ZNF81: variants seen among roughly 807,000 people sequenced by gnomAD.
ZNF81 encodes zinc finger protein 81.
Under a neutral mutation model 32.3 loss-of-function variants are expected in ZNF81, and 5 were observed. That is an observed-to-expected ratio of 0.15 (90% CI 0.08 to 0.33). The LOEUF is 0.33. ZNF81 is among the 10% of genes least tolerant of loss of function. The probability of loss-of-function intolerance (pLI) is 1.00; values close to 1 mark genes in which losing one functional copy is unlikely to be tolerated. For synonymous variants in ZNF81, 163 were observed against 166.8 expected, an observed-to-expected ratio of 0.98 and a Z score of 0.17; for missense variants, 379 against 479.8, an observed-to-expected ratio of 0.79 and a Z score of 1.96.
At chrX:47,854,891 C>T (rs1299768699) in intron 2 of ZNF81, among the ~76,000 whole-genome samples, 7 of 111,041 alleles carry the variant, frequency 6.3e-5, no homozygotes, top group Non-Finnish European at 1.3e-4. Context: ...GTCAGGAGTT[C>T]GAGACCAGCC....
At position 47,836,923 on chromosome X, in the gene ZNF81, C is replaced by A. The variant is rs1006378433; in HGVS notation, c.-228C>A. The A allele has an allele frequency of 1.0e-4, 24 of 228,976 alleles. No individual in the cohort carries two copies. Among genetic ancestry groups the A allele is most frequent in the Non-Finnish European group, 1.7e-4 (20 of 119,328 alleles). The allele number at this position is 228,976 out of a possible 1,213,427, so 18.9% of individuals were successfully genotyped here. ...GACCGGAAGCGGCTGCGGTTCTCGC[C>A]GGTTCTCAGCCGGGGTTTGATAGTT... is the stretch of plus-strand genomic sequence containing the variant. On this transcript the variant is annotated 5_prime_UTR_variant, in exon 1 of 5. Coordinates refer to ENST00000338637, the MANE Select transcript of ZNF81 (RefSeq NM_007137.5).
intron 1 of ZNF81, among the ~76,000 whole-genome samples, chrX:47,839,576 T>C (rs2058438401): frequency 8.9e-6 from 1 of 112,142 alleles, no homozygotes; most frequent in African/African-American, 3.2e-5. Flanking sequence ...AAATGAATTC[T>C]GTGTGTATAC....
At chrX:47,903,531 C>T (rs1480811527) in intron 4 of ZNF81, among the ~76,000 whole-genome samples, 4 of 69,662 alleles carry the variant, frequency 5.7e-5, no homozygotes, top group Non-Finnish European at 8.5e-5. Context: ...TCAAGGAGAA[C>T]TACAAACCAC....
chrX:47,896,275 A>G (rs782594646), intron 4 of ZNF81, among the ~76,000 whole-genome samples: 3 of 111,337 alleles, frequency 2.7e-5, no homozygotes, highest in Non-Finnish European at 5.7e-5. Flanking sequence ...TCCTTAAACC[A>G]CACCCCAGAG....
At chrX:47,900,249 A>C (rs2148035581) in intron 4 of ZNF81, among the ~76,000 whole-genome samples, 1 of 111,827 alleles carries the variant, frequency 8.9e-6, no homozygotes, top group South Asian at 3.7e-4. Flanking sequence ...TGGTGTAAAG[A>C]CACACTAATA....
At chrX:47,850,891 G>A (rs2473088) in intron 2 of ZNF81, among the ~76,000 whole-genome samples, 5,982 of 53,346 alleles carry the variant, frequency 0.11, 726 homozygotes, top group African/African-American at 0.37. Context: ...AGGCACGCGC[G>A]CACACACACA....
At chrX:47,873,594 T>TACCCTGGCTCCAC (rs1556884160) in intron 2 of ZNF81, among the ~76,000 whole-genome samples, 7 of 112,096 alleles carry the variant, frequency 6.2e-5, no homozygotes, top group Non-Finnish European at 1.3e-4. Context: ...CTTTGTATAT[T>TACCCTGGCTCCAC]GTCCAGGGTA....
At chrX:47,856,264 T>C (rs2058516941) in intron 2 of ZNF81, among the ~76,000 whole-genome samples, 1 of 111,114 alleles carries the variant, frequency 9.0e-6, no homozygotes, top group Non-Finnish European at 1.9e-5. Context: ...AAGAGATAGT[T>C]GAAAGAAAGT....
At position 47,915,532 on chromosome X, in the gene ZNF81, C is replaced by T. The variant is rs782555368; in HGVS notation, c.886C>T (p.His296Tyr). ...RSHFFAPQKI[H>Y]TVEKPHELSK... ...ACATTTCTTTGCTCCTCAAAAAATT[C>T]ATACTGTGGAAAAACCTCATGAGCT... The change falls in exon 5 of 5, where the codon CAT becomes TAT. Residue 296 changes from histidine to tyrosine, a missense_variant. Transcript: ENST00000338637. 4 of 1,211,487 alleles carry T rather than the reference C, an allele frequency of 3.3e-6. No individual in the cohort carries two copies. The South Asian group carries it at 7.0e-5, about 21-fold the overall frequency.
At position 47,907,131 on chromosome X, in the gene ZNF81, C is replaced by T. The variant is rs782205087; in HGVS notation, c.278-7793C>T. ...TAGATTTTAAAAGGCGTGGGACATA[C>T]GACCAGGCCCTATAGCCACATAAAT... On this transcript the variant is annotated intron_variant, in intron 4 of 4. Transcript: ENST00000338637. Among the ~76,000 whole-genome samples, 717 of 94,948 alleles carry T rather than the reference C, an allele frequency of 7.6e-3. 7 individuals are homozygous for T. Among genetic ancestry groups the T allele is most frequent in the African/African-American group, 0.027 (699 of 25,671 alleles). The allele number at this position is 94,948 out of a possible 115,157, so 82.5% of individuals were successfully genotyped here.
intron 2 of ZNF81, among the ~76,000 whole-genome samples, chrX:47,858,037 C>T (rs1310486281): frequency 9.0e-6 from 1 of 111,212 alleles, no homozygotes; most frequent in Non-Finnish European, 1.9e-5. Context: ...GGTATAACAG[C>T]CTGCCAAAGA....
intron 3 of ZNF81, among the ~76,000 whole-genome samples, chrX:47,893,806 AG>A (rs369499196): frequency 0.01 from 305 of 29,585 alleles, 1 homozygote; most frequent in East Asian, 0.06. Flanking sequence ...AAAAAAAAAA[AG>A]AAAAAATCAA....
Position 47,925,488 on chromosome X carries a change from G to A in ZNF81, c.*8856G>A, listed in dbSNP as rs1181665860. Among the ~76,000 whole-genome samples, 1 of 112,100 alleles carries A rather than the reference G, an allele frequency of 8.9e-6. No individual in the cohort carries two copies. The highest frequency in any genetic ancestry group is 1.9e-5 in the Non-Finnish European group (1 of 53,154). On this transcript the variant is annotated 3_prime_UTR_variant, in exon 5 of 5. Transcript: ENST00000338637. ...CATTCATGTTGTTATATGCGTCTAT[G>A]TTCATTCCTTTTTATTGCTAAGTGT...
intron 2 of ZNF81, among the ~76,000 whole-genome samples, chrX:47,859,159 G>A (rs369367690): frequency 1.5e-4 from 17 of 110,029 alleles, no homozygotes; most frequent in East Asian, 8.4e-4. Flanking sequence ...TTCTTTAAGT[G>A]GTTACCTTTA....
intron 2 of ZNF81, among the ~76,000 whole-genome samples, chrX:47,857,718 A>T (rs994372337): frequency 1.8e-5 from 2 of 111,419 alleles, no homozygotes; most frequent in African/African-American, 6.5e-5. Flanking sequence ...TCTGCCCTTG[A>T]CCCCTTATCC....
At chrX:47,851,023 G>A (rs1367790883) in intron 2 of ZNF81, among the ~76,000 whole-genome samples, 1 of 110,741 alleles carries the variant, frequency 9.0e-6, no homozygotes. Context: ...AATAAAGCTT[G>A]GTGATTATTC....
At chrX:47,879,277 C>A (rs1556884872) in intron 2 of ZNF81, among the ~76,000 whole-genome samples, 1 of 111,529 alleles carries the variant, frequency 9.0e-6, no homozygotes, top group Non-Finnish European at 1.9e-5. Context: ...GTCGACAAGG[C>A]CCTCATCTTT....
intron 4 of ZNF81, among the ~76,000 whole-genome samples, chrX:47,910,362 C>G (rs1230595138): frequency 8.0e-4 from 89 of 111,840 alleles, no homozygotes; most frequent in African/African-American, 2.7e-3. Flanking sequence ...TATCAAGAAT[C>G]TACAATGAAC....
In ZNF81 at chrX:47,922,346, C is replaced by G. The variant is rs2058779835; in HGVS notation, c.*5714C>G. On this transcript the variant is annotated 3_prime_UTR_variant, in exon 5 of 5. Coordinates refer to ENST00000338637, the MANE Select transcript of ZNF81 (RefSeq NM_007137.5). ...ATGGGATCATAACATACAACCATCT[C>G]TGCAGCTTGCTTTATTATTATTCAA... The G allele has an allele frequency of 8.9e-6, 1 of 112,356 alleles. No homozygotes were observed. Among genetic ancestry groups the G allele is most frequent in the Non-Finnish European group, 1.9e-5 (1 of 53,299 alleles). The allele number at this position is 112,356 out of a possible 1,213,427, so 9.3% of individuals were successfully genotyped here. A position where few individuals can be genotyped will look rare whatever the true frequency, so the allele number is the denominator to read the frequency against.
Sources: allele counts gnomAD v4.1 joint callset (sites outside exome capture counted in the v4.1 genomes callset), GRCh38; gene constraint gnomAD v4.1.1; transcripts MANE v1.5; gene names NCBI Gene and HGNC (gene_info 2026-07-23, HGNC 2026-07-21).